ARHGAP39: variants seen among roughly 807,000 people sequenced by gnomAD.
ARHGAP39 encodes Rho GTPase activating protein 39.
In ARHGAP39, 44 loss-of-function variants were observed where a neutral mutation model predicts 106.9. The ratio of observed to expected loss-of-function variants is 0.41; its 90% CI spans 0.32 to 0.53. The LOEUF is 0.53. Among genes scored for constraint, ARHGAP39 ranks in the 20% least tolerant of loss-of-function variants. ARHGAP39 has a pLI of 0.21. For missense variants in ARHGAP39, 1,496 were observed against 1,577.3 expected, an observed-to-expected ratio of 0.95 and a Z score of 0.87; for synonymous variants, 768 against 693.2, an observed-to-expected ratio of 1.11 and a Z score of -1.69.
intron 2 of ARHGAP39, among the ~76,000 whole-genome samples, chr8:144,595,054 A>C (rs1264760970): frequency 6.6e-6 from 1 of 152,190 alleles, no homozygotes; most frequent in Admixed American, 6.5e-5. Flanking sequence ...ATAAAACCCC[A>C]CAGAGTTACC....
intron 6 of ARHGAP39, chr8:144,543,977 G>A (rs755784171): frequency 2.0e-5 from 3 of 152,462 alleles, no homozygotes; most frequent in Non-Finnish European, 4.4e-5. Context: ...CCCTCTGGAA[G>A]AGGAAGAGGA....
intron 1 of ARHGAP39, among the ~76,000 whole-genome samples, chr8:144,649,286 C>T (rs1821519269): frequency 6.8e-6 from 1 of 146,332 alleles, no homozygotes; most frequent in Admixed American, 6.8e-5. Context: ...ACTAAAAATA[C>T]AAAAAAAAAA....
In ARHGAP39 at chr8:144,537,767, C is replaced by T. The variant is rs748605530; in HGVS notation, c.2568G>A (p.Lys856=). 5.0e-6 allele frequency: 8 copies of T among 1,614,004 alleles called. No individual in the cohort carries two copies. Among genetic ancestry groups the T allele is most frequent in the Middle Eastern group, 1.6e-4 (1 of 6,084 alleles). Residue 856 remains lysine, a synonymous_variant, in exon 7 of 12, where the codon AAG becomes AAA. Coordinates refer to ENST00000377307, the MANE Select transcript of ARHGAP39 (RefSeq NM_025251.3). ...KELLERNTKK[K]SKLRKKPKPY... ...GCTTGGGTTTCTTTCTCAATTTGGA[C>T]TTCTTCTTAGTGTTTCTTTCCAGGA...
chr8:144,675,183 G>A (rs1233020074), intron 1 of ARHGAP39, among the ~76,000 whole-genome samples: 2 of 152,176 alleles, frequency 1.3e-5, no homozygotes, highest in African/African-American at 2.4e-5. Context: ...AGCCACTCCA[G>A]ACAAGCCACC....
At chr8:144,598,251 G>A (rs893716435) in intron 2 of ARHGAP39, among the ~76,000 whole-genome samples, 4 of 152,230 alleles carry the variant, frequency 2.6e-5, no homozygotes, top group Admixed American at 6.5e-5. Flanking sequence ...GAACCCAGCC[G>A]TGGGCCTTTC....
At chr8:144,609,363 T>C (rs976170815) in intron 1 of ARHGAP39, among the ~76,000 whole-genome samples, 1 of 152,022 alleles carries the variant, frequency 6.6e-6, no homozygotes, top group Non-Finnish European at 1.5e-5. Context: ...TACGTATTCC[T>C]TGTATAAATG....
At chr8:144,618,079 G>A (rs1202719319) in intron 1 of ARHGAP39, among the ~76,000 whole-genome samples, 2 of 152,162 alleles carry the variant, frequency 1.3e-5, no homozygotes, top group South Asian at 2.1e-4. Context: ...ACCACGCCTG[G>A]CCTAAAATTC....
At chr8:144,556,974 C>G (rs375718368) in intron 3 of ARHGAP39, among the ~76,000 whole-genome samples, 6 of 139,038 alleles carry the variant, frequency 4.3e-5, no homozygotes, top group African/African-American at 1.3e-4. Flanking sequence ...GTGGCAAAAG[C>G]CTGAACCTTC....
At chr8:144,651,555 T>C (rs547053293) in intron 1 of ARHGAP39, among the ~76,000 whole-genome samples, 3 of 152,014 alleles carry the variant, frequency 2.0e-5, no homozygotes, top group South Asian at 4.2e-4. Context: ...ACTCAAAAAT[T>C]AGCTGGGCAT....
At chr8:144,623,707 A>G (rs775569483) in intron 1 of ARHGAP39, among the ~76,000 whole-genome samples, 1 of 152,228 alleles carries the variant, frequency 6.6e-6, no homozygotes, top group African/African-American at 2.4e-5. Flanking sequence ...CAGATTCACC[A>G]TCCAGGGAGT....
chr8:144,623,538 A>C (rs1180822961), intron 1 of ARHGAP39, among the ~76,000 whole-genome samples: 1 of 152,262 alleles, frequency 6.6e-6, no homozygotes, highest in African/African-American at 2.4e-5. Context: ...GCGACTGGCG[A>C]GGCGACCCAG....
chr8:144,550,493 C>T (rs1031669342), intron 4 of ARHGAP39, among the ~76,000 whole-genome samples: 7 of 152,182 alleles, frequency 4.6e-5, no homozygotes, highest in African/African-American at 1.7e-4. Context: ...CAGTTGTGTC[C>T]CTCTGATTGA....
At chr8:144,545,864 T>A in intron 5 of ARHGAP39, 54 bp from the exon 6 acceptor site, 1 of 1,403,544 alleles carries the variant, frequency 7.1e-7, no homozygotes, top group Non-Finnish European at 9.4e-7. Context: ...GCCAGGCAGG[T>A]GGGCCCACTG....
At chr8:144,685,198 A>G in intron 1 of ARHGAP39, among the ~76,000 whole-genome samples, 1 of 138,692 alleles carries the variant, frequency 7.2e-6, no homozygotes. Context: ...GGGGCCGGAC[A>G]CACCCACACT....
chr8:144,698,770 A>G, the ARHGAP39 span: 1 of 454,140 alleles, frequency 2.2e-6, no homozygotes, highest in Non-Finnish European at 4.4e-6. Context: ...GTCCTTGGCC[A>G]TGAGTGGGTC....
intron 1 of ARHGAP39, among the ~76,000 whole-genome samples, chr8:144,620,034 G>T (rs1820754594): frequency 6.8e-6 from 1 of 146,330 alleles, no homozygotes; most frequent in East Asian, 2.1e-4. Flanking sequence ...GTGTGTGCCG[G>T]TGTTTGTGTG....
intron 1 of ARHGAP39, among the ~76,000 whole-genome samples, chr8:144,631,925 C>T (rs893639092): frequency 6.6e-6 from 1 of 152,224 alleles, no homozygotes; most frequent in Non-Finnish European, 1.5e-5. Flanking sequence ...CAGCCGGTGA[C>T]TGGGCCTCCG....
At chr8:144,621,685 G>A (rs1586621280) in intron 1 of ARHGAP39, among the ~76,000 whole-genome samples, 1 of 152,226 alleles carries the variant, frequency 6.6e-6, no homozygotes, top group South Asian at 2.1e-4. Flanking sequence ...GGGCGTGGTG[G>A]TGCACATCCA....
chr8:144,636,488 C>G (rs1043241436), intron 1 of ARHGAP39, among the ~76,000 whole-genome samples: 6 of 152,174 alleles, frequency 3.9e-5, no homozygotes, highest in Non-Finnish European at 5.9e-5. Context: ...CACACCAGGC[C>G]AAGCTCCCGA....
Sources: allele counts gnomAD v4.1 joint callset (sites outside exome capture counted in the v4.1 genomes callset), GRCh38; gene constraint gnomAD v4.1.1; transcripts MANE v1.5; gene names NCBI Gene and HGNC (gene_info 2026-07-23, HGNC 2026-07-21).